Variants in EYA3 observed in about 807,000 individuals in gnomAD.
EYA3 encodes EYA transcriptional coactivator and phosphatase 3.
A neutral mutation model predicts 80.0 loss-of-function variants in EYA3; 39 were observed. The ratio of observed to expected loss-of-function variants is 0.49; its 90% CI spans 0.38 to 0.64. The LOEUF (loss-of-function observed/expected upper bound fraction) is 0.64. Ranked by LOEUF, EYA3 falls within the 30% of genes least tolerant of loss-of-function variation. The pLI, the probability that EYA3 is intolerant of heterozygous loss-of-function variation, is 0.00. For missense variants in EYA3, 523 were observed against 676.1 expected (o/e 0.77, Z 2.51); for synonymous variants, 206 against 232.8 (o/e 0.88, Z 1.05).
rs553877578 is a variant in EYA3, at chr1:28,028,774, TTTG to T, written c.362-851_362-849del. Among the ~76,000 whole-genome samples, 331 of 152,060 alleles carry T rather than the reference TTTG, an allele frequency of 2.2e-3. 1 individual carries two copies. The highest frequency in any genetic ancestry group is 7.3e-3 in the African/African-American group (301 of 41,478). On this transcript the variant is annotated intron_variant, in intron 6 of 17. Transcript: ENST00000373871. ...TTTAACAAAAATGGGATTGTGATTT[TTTG>T]TTGTTGTTGTTGTTGTTAAGAGACA...
At position 28,049,309 on chromosome 1, in the gene EYA3, T is replaced by C. The variant is rs547424486; in HGVS notation, c.34-883A>G. Among the ~76,000 whole-genome samples the C allele has an allele frequency of 8.7e-4, 132 of 152,310 alleles. 3 individuals are homozygous for C. Among genetic ancestry groups the C allele is most frequent in the Non-Finnish European group, 6.0e-4 (41 of 68,010 alleles). Reference sequence around the variant, plus strand: ...GAGAATACACAACCATGACCAGACATTCTTGGTTCCTTGCTTATGGCATGT... The same window carrying C: ...GAGAATACACAACCATGACCAGACACTCTTGGTTCCTTGCTTATGGCATGT... On this transcript the variant is annotated intron_variant, in intron 2 of 17. Transcript: ENST00000373871.
Position 28,052,423 on chromosome 1 carries a change from C to T in EYA3, c.34-3997G>A, listed in dbSNP as rs78966749. ...TTGAGAGTCCTGAAATAGACCTCTA[C>T]ATTTGTTGGGTCAACTGATTTTCAA... On this transcript the variant is annotated intron_variant, in intron 2 of 17. Transcript: ENST00000373871. Among the ~76,000 whole-genome samples, 1,436 of 152,316 alleles carry T rather than the reference C, an allele frequency of 9.4e-3. 16 individuals are homozygous for T. The highest frequency in any genetic ancestry group is 0.024 in the Middle Eastern group (7 of 294).
At chr1:28,080,456 C>G (rs1214377175) in intron 1 of EYA3, among the ~76,000 whole-genome samples, 1 of 151,802 alleles carries the variant, frequency 6.6e-6, no homozygotes. Context: ...GAGATCCTGT[C>G]TCAAAAAACA....
chr1:27,986,019 TA>T (rs955498196), intron 16 of EYA3, among the ~76,000 whole-genome samples: 9 of 147,664 alleles, frequency 6.1e-5, no homozygotes, highest in Non-Finnish European at 7.5e-5. Context: ...CTTTTTCCTT[TA>T]AAAAAAAAAG....
chr1:27,978,213 G>A (rs1044005876), intron 17 of EYA3, among the ~76,000 whole-genome samples, 161 bp downstream of exon 17: 1 of 151,810 alleles, frequency 6.6e-6, no homozygotes, highest in African/African-American at 2.4e-5. Context: ...AACTCCATCT[G>A]GAGAAAAAAA....
intron 16 of EYA3, among the ~76,000 whole-genome samples, chr1:27,984,215 A>AT (rs1639499400): frequency 6.6e-6 from 1 of 151,514 alleles, no homozygotes; most frequent in Non-Finnish European, 1.5e-5. Context: ...TTTTATTTTT[A>AT]TTTTTGTAGA....
At chr1:28,079,095 A>C (rs1645328791) in intron 1 of EYA3, among the ~76,000 whole-genome samples, 1 of 152,216 alleles carries the variant, frequency 6.6e-6, no homozygotes, top group Admixed American at 6.5e-5. Flanking sequence ...AGGCCTCCCA[A>C]GTATGAGTAT....
intron 7 of EYA3, among the ~76,000 whole-genome samples, chr1:28,026,002 G>A (rs555340635): frequency 2.0e-4 from 30 of 152,122 alleles, no homozygotes; most frequent in Admixed American, 1.3e-3. Flanking sequence ...CAGGTGATCC[G>A]CCTGCCTCGG....
intron 14 of EYA3, among the ~76,000 whole-genome samples, chr1:27,992,156 A>G (rs927839761): frequency 1.3e-5 from 2 of 152,202 alleles, no homozygotes; most frequent in African/African-American, 4.8e-5. Flanking sequence ...GTAAGGCAGC[A>G]TAGTATAGTA....
Position 28,002,700 on chromosome 1 carries a change from T to A in EYA3, c.993+1636A>T, listed in dbSNP as rs181003155. ...GGTGGCATGTGCCTGTAGTCCCAGA[T>A]ACCTGGAGGACTGAGGCAGGAGGAT... On this transcript the variant is annotated intron_variant, in intron 11 of 17. Transcript: ENST00000373871. 8.7e-4 allele frequency among the ~76,000 whole-genome samples: 132 copies of A among 152,052 alleles called. 2 individuals carry two copies. Among genetic ancestry groups the A allele is most frequent in the African/African-American group, 3.0e-3 (126 of 41,494 alleles).
chr1:28,068,920 C>T (rs907829050), intron 1 of EYA3, among the ~76,000 whole-genome samples: 11 of 152,066 alleles, frequency 7.2e-5, no homozygotes, highest in Non-Finnish European at 1.6e-4. Flanking sequence ...GATTCTCATG[C>T]CTCAGCCTCT....
At chr1:28,044,396 AAG>A (rs1363460938) in intron 3 of EYA3, among the ~76,000 whole-genome samples, 1 of 152,226 alleles carries the variant, frequency 6.6e-6, no homozygotes, top group Non-Finnish European at 1.5e-5. Context: ...GAGGACTAAT[AAG>A]TTTACATTTA....
intron 1 of EYA3, among the ~76,000 whole-genome samples, chr1:28,074,513 C>CT (rs34650238): frequency 0.032 from 4,412 of 139,934 alleles, 185 homozygotes; most frequent in African/African-American, 0.1. Flanking sequence ...TTTGAACTTT[C>CT]TTTTTTTTTT....
At chr1:28,033,503 G>A (rs1466899478) in intron 6 of EYA3, among the ~76,000 whole-genome samples, 1 of 151,828 alleles carries the variant, frequency 6.6e-6, no homozygotes, top group Non-Finnish European at 1.5e-5. Context: ...AGTCTTCCTT[G>A]CCCTCAAATA....
chr1:28,071,582 T>A (rs1286094133), intron 1 of EYA3, among the ~76,000 whole-genome samples: 1 of 152,242 alleles, frequency 6.6e-6, no homozygotes, highest in Non-Finnish European at 1.5e-5. Flanking sequence ...ACTCAACAAT[T>A]ACTTTTTTGC....
intron 3 of EYA3, among the ~76,000 whole-genome samples, chr1:28,045,878 C>T (rs1213687991): frequency 6.6e-6 from 1 of 152,090 alleles, no homozygotes; most frequent in Non-Finnish European, 1.5e-5. Flanking sequence ...ACACAAACAA[C>T]AGATGAATGG....
chr1:28,080,375 T>C (rs760370604), intron 1 of EYA3, among the ~76,000 whole-genome samples: 1 of 152,144 alleles, frequency 6.6e-6, no homozygotes, highest in Non-Finnish European at 1.5e-5. Context: ...GAGGATCACC[T>C]GAGCCCAGGA....
At chr1:28,079,435 G>T (rs1253378277) in intron 1 of EYA3, among the ~76,000 whole-genome samples, 1 of 152,146 alleles carries the variant, frequency 6.6e-6, no homozygotes. Flanking sequence ...GACTGGACTT[G>T]GGCCAGAAGA....
At chr1:28,083,769 T>C (rs569051357) in intron 1 of EYA3, among the ~76,000 whole-genome samples, 4 of 152,356 alleles carry the variant, frequency 2.6e-5, no homozygotes, top group Admixed American at 6.5e-5. Flanking sequence ...ATTCTAATTA[T>C]GTTGTCTTAC....
Sources: gnomAD v4.1 joint callset for allele counts (sites outside exome capture counted in the v4.1 genomes callset) on GRCh38, gnomAD v4.1.1 for gene constraint, MANE v1.5 for transcripts, NCBI Gene and HGNC (gene_info 2026-07-23, HGNC 2026-07-21) for gene names.